Variants in RCL1 observed in about 807,000 individuals in gnomAD.
The protein encoded by RCL1 is RNA 3'-terminal phosphate cyclase-like protein.
A neutral mutation model predicts 42.4 loss-of-function variants in RCL1; 24 were observed. That is an observed-to-expected ratio of 0.57 (90% CI 0.41 to 0.80). The LOEUF (loss-of-function observed/expected upper bound fraction) is 0.80, where lower values mean the gene tolerates loss of function less well. Ranked by LOEUF, RCL1 falls within the 30% of genes least tolerant of loss-of-function variation. The pLI is 0.00. For missense variants in RCL1, 578 were observed against 467.9 expected, an observed-to-expected ratio of 1.24 and a Z score of -2.17; for synonymous variants, 228 against 177.3, an observed-to-expected ratio of 1.29 and a Z score of -2.27.
At chr9:4,857,013 C>T (rs1331114931) in intron 8 of RCL1, among the ~76,000 whole-genome samples, 2 of 152,130 alleles carry the variant, frequency 1.3e-5, no homozygotes, top group Non-Finnish European at 2.9e-5. Flanking sequence ...TGGTATACAC[C>T]GAGTAGGGGT....
intron 2 of RCL1, among the ~76,000 whole-genome samples, chr9:4,825,998 G>C (rs939135031): frequency 3.3e-5 from 5 of 151,840 alleles, no homozygotes; most frequent in Admixed American, 2.6e-4. Context: ...GGGAGGCTGA[G>C]GTGGGAGGAT....
intron 8 of RCL1, among the ~76,000 whole-genome samples, chr9:4,858,124 C>T (rs1396205304): frequency 6.6e-6 from 1 of 151,966 alleles, no homozygotes; most frequent in African/African-American, 2.4e-5. Flanking sequence ...AATTTGCCTG[C>T]CTTGGCCTCC....
chr9:4,831,469 G>T (rs1368783069), intron 3 of RCL1, among the ~76,000 whole-genome samples: 1 of 152,050 alleles, frequency 6.6e-6, no homozygotes, highest in African/African-American at 2.4e-5. Context: ...TTAAGTTTTT[G>T]AGTGTGCTTT....
At chr9:4,855,829 A>G (rs1196096041) in intron 8 of RCL1, among the ~76,000 whole-genome samples, 1 of 152,168 alleles carries the variant, frequency 6.6e-6, no homozygotes, top group Admixed American at 6.5e-5. Flanking sequence ...TGCTTTTTCT[A>G]ACTGTTCCAA....
chr9:4,798,137 A>C (rs1488156331), intron 1 of RCL1, among the ~76,000 whole-genome samples: 1 of 152,200 alleles, frequency 6.6e-6, no homozygotes, highest in East Asian at 1.9e-4. Context: ...CTCCTGCCTG[A>C]AGGACCTGTT....
chr9:4,823,441 C>A, intron 1 of RCL1, 107 bp from the exon 2 acceptor site: 1 of 795,562 alleles, frequency 1.3e-6, no homozygotes. Context: ...CAGGAAGTAA[C>A]CTGCCCTCTA....
chr9:4,834,018 T>A, intron 4 of RCL1, 123 bp from the exon 5 acceptor site: 2 of 1,075,964 alleles, frequency 1.9e-6, no homozygotes, highest in South Asian at 3.2e-5. Flanking sequence ...AATGACAGAT[T>A]GAATATGGAA....
intron 1 of RCL1, among the ~76,000 whole-genome samples, chr9:4,807,155 C>T (rs1028111046): frequency 6.6e-6 from 1 of 152,046 alleles, no homozygotes; most frequent in African/African-American, 2.4e-5. Context: ...TGTCTGTGTC[C>T]TCACCTTTTA....
chr9:4,833,347 A>T, intron 4 of RCL1, 119 bp downstream of exon 4: 2 of 753,840 alleles, frequency 2.7e-6, no homozygotes, highest in Non-Finnish European at 2.4e-6. Flanking sequence ...CAGTTATCAG[A>T]AGACTCACAG....
In RCL1 at chr9:4,809,423, C is replaced by T. The variant is rs150307481; in HGVS notation, c.137-14125C>T. ...CTCCTGGATTCAAGCGATTCCCCTG[C>T]CTCAGCCTCCCAAGTAGCTGGGGCT... is the stretch of plus-strand genomic sequence containing the variant. On this transcript the variant is annotated intron_variant, in intron 1 of 8. Coordinates refer to ENST00000381750, the MANE Select transcript of RCL1 (RefSeq NM_005772.5). Among the ~76,000 whole-genome samples, 812 of 152,098 alleles carry T rather than the reference C, an allele frequency of 5.3e-3. 10 individuals are homozygous for T. Among genetic ancestry groups the T allele is most frequent in the African/African-American group, 0.018 (747 of 41,480 alleles).
At chr9:4,817,911 G>GT (rs1816443053) in intron 1 of RCL1, among the ~76,000 whole-genome samples, 3 of 72,018 alleles carry the variant, frequency 4.2e-5, no homozygotes, top group Non-Finnish European at 5.5e-5. Context: ...ACTTTTCTAA[G>GT]ATTTTTTTTT....
chr9:4,860,452 G>C lies in RCL1; in HGVS notation c.*177G>C, dbSNP rs1818135191. The C allele has an allele frequency of 2.9e-6, 2 of 690,754 alleles. No homozygotes were observed. Among genetic ancestry groups the C allele is most frequent in the Non-Finnish European group, 4.4e-6 (2 of 451,716 alleles). The allele number at this position is 690,754 out of a possible 1,614,324, so 42.8% of individuals were successfully genotyped here. ...TCCCTGTAGCATATGGTTTCCAGCT[G>C]TTTCTCCAGTGGCATTGCCATTGCC... On this transcript the variant is annotated 3_prime_UTR_variant, in exon 9 of 9. Coordinates refer to ENST00000381750, the MANE Select transcript of RCL1 (RefSeq NM_005772.5).
chr9:4,800,412 G>A (rs550388146), intron 1 of RCL1, among the ~76,000 whole-genome samples: 2 of 151,232 alleles, frequency 1.3e-5, no homozygotes, highest in African/African-American at 4.9e-5. Flanking sequence ...ACGGGGTTTC[G>A]GCACGTTGGC....
At chr9:4,820,086 T>C (rs1178013753) in intron 1 of RCL1, among the ~76,000 whole-genome samples, 2 of 152,248 alleles carry the variant, frequency 1.3e-5, no homozygotes, top group South Asian at 2.1e-4. Flanking sequence ...GCATTGACTT[T>C]GATTCTCTTT....
At chr9:4,824,018 A>C (rs1450890167) in intron 2 of RCL1, among the ~76,000 whole-genome samples, 1 of 152,170 alleles carries the variant, frequency 6.6e-6, no homozygotes, top group African/African-American at 2.4e-5. Context: ...ATTTGATTTA[A>C]GGAAGTTAGA....
At chr9:4,801,714 G>C (rs993043122) in intron 1 of RCL1, among the ~76,000 whole-genome samples, 5 of 145,366 alleles carry the variant, frequency 3.4e-5, no homozygotes, top group African/African-American at 1.3e-4. Flanking sequence ...CTTGGGTTGC[G>C]ATTCTTTTTT....
intron 1 of RCL1, among the ~76,000 whole-genome samples, chr9:4,817,679 T>C (rs1413721445): frequency 6.6e-6 from 1 of 151,996 alleles, no homozygotes; most frequent in African/African-American, 2.4e-5. Flanking sequence ...GTATTTTTTG[T>C]AGGGTCAGGG....
At chr9:4,824,470 T>G (rs2131000923) in intron 2 of RCL1, among the ~76,000 whole-genome samples, 1 of 151,682 alleles carries the variant, frequency 6.6e-6, no homozygotes, top group South Asian at 2.1e-4. Context: ...TGGGTTGTAG[T>G]ATAGTATTCC....
intron 1 of RCL1, among the ~76,000 whole-genome samples, chr9:4,817,672 T>C (rs1426781585): frequency 6.6e-6 from 1 of 151,960 alleles, no homozygotes; most frequent in Non-Finnish European, 1.5e-5. Context: ...AATTTTTGTA[T>C]TTTTTGTAGG....
Sources: gnomAD v4.1 joint callset for allele counts (sites outside exome capture counted in the v4.1 genomes callset) on GRCh38, gnomAD v4.1.1 for gene constraint, MANE v1.5 for transcripts, NCBI Gene and HGNC (gene_info 2026-07-23, HGNC 2026-07-21) for gene names.